MAGI2: variants seen among roughly 807,000 people sequenced by gnomAD.
The protein encoded by MAGI2 is membrane-associated guanylate kinase, WW and PDZ domain-containing protein 2.
A neutral mutation model predicts 133.3 loss-of-function variants in MAGI2; 35 were observed. The ratio of observed to expected loss-of-function variants is 0.26; its 90% confidence interval spans 0.20 to 0.35. The LOEUF (loss-of-function observed/expected upper bound fraction) is 0.35, where lower values mean the gene tolerates loss of function less well. Among genes scored for constraint, MAGI2 ranks in the 10% least tolerant of loss-of-function variants. MAGI2 has a pLI of 1.00. For missense variants in MAGI2, 1,636 were observed against 1,863.4 expected, an observed-to-expected ratio of 0.88 and a Z score of 2.25; for synonymous variants, 729 against 710.6, an observed-to-expected ratio of 1.03 and a Z score of -0.41.
At chr7:78,536,610 T>G (rs908381803) in intron 3 of MAGI2, among the ~76,000 whole-genome samples, 1 of 152,164 alleles carries the variant, frequency 6.6e-6, no homozygotes, top group African/African-American at 2.4e-5. Flanking sequence ...TATGAGCAGC[T>G]TGTGCTTGAA....
chr7:78,730,572 A>G (rs1219005500), intron 2 of MAGI2, among the ~76,000 whole-genome samples: 1 of 152,188 alleles, frequency 6.6e-6, no homozygotes, highest in East Asian at 1.9e-4. Flanking sequence ...GCAGAACTTT[A>G]GAAGTCATTG....
chr7:78,412,673 A>G (rs745828373), intron 6 of MAGI2, among the ~76,000 whole-genome samples: 13 of 152,086 alleles, frequency 8.5e-5, no homozygotes, highest in Middle Eastern at 3.2e-3. Flanking sequence ...GTAACAGAAG[A>G]TGAAATTGCA....
chr7:78,667,645 G>T (rs1300875617), intron 2 of MAGI2, among the ~76,000 whole-genome samples: 23 of 150,960 alleles, frequency 1.5e-4, no homozygotes, highest in East Asian at 7.8e-4. Context: ...GCAGTGTTTG[G>T]TTTTTTGTCC....
At chr7:78,141,779 A>G (rs563240322) in intron 16 of MAGI2, among the ~76,000 whole-genome samples, 1 of 152,268 alleles carries the variant, frequency 6.6e-6, no homozygotes, top group Non-Finnish European at 1.5e-5. Context: ...TAATAAGCAG[A>G]TGGTCAGACA....
intron 1 of MAGI2, among the ~76,000 whole-genome samples, chr7:79,423,725 A>G (rs985755932): frequency 6.6e-6 from 1 of 152,144 alleles, no homozygotes; most frequent in Non-Finnish European, 1.5e-5. Context: ...ACATATTTTT[A>G]GTCATTCAAT....
chr7:78,439,056 C>A (rs1406302670), intron 6 of MAGI2, among the ~76,000 whole-genome samples: 2 of 152,120 alleles, frequency 1.3e-5, no homozygotes, highest in African/African-American at 4.8e-5. Context: ...CCCATACTGC[C>A]CTCTGGATTA....
chr7:78,039,033 A>T (rs1563037844), intron 21 of MAGI2, among the ~76,000 whole-genome samples: 2 of 150,490 alleles, frequency 1.3e-5, no homozygotes. Context: ...CACTTAGAGG[A>T]TTTTTTTTTT....
chr7:78,527,671 A>G (rs1426881955), intron 3 of MAGI2, among the ~76,000 whole-genome samples: 3 of 152,256 alleles, frequency 2.0e-5, no homozygotes, highest in African/African-American at 4.8e-5. Flanking sequence ...AAATGCTAGT[A>G]GCAGATACTT....
intron 17 of MAGI2, 192 bp downstream of exon 17, chr7:78,134,829 A>C (rs765152503): frequency 5.3e-6 from 3 of 567,872 alleles, no homozygotes; most frequent in Non-Finnish European, 9.4e-6. Context: ...ACAGGTACTG[A>C]GTAAACAAGA....
intron 1 of MAGI2, among the ~76,000 whole-genome samples, chr7:79,217,878 T>C (rs928168158): frequency 1.3e-5 from 2 of 152,062 alleles, no homozygotes; most frequent in Admixed American, 1.3e-4. Flanking sequence ...TATTTATTAA[T>C]GTAGTTGTTT....
intron 1 of MAGI2, among the ~76,000 whole-genome samples, chr7:79,077,928 C>A (rs1232410799): frequency 6.6e-6 from 1 of 151,748 alleles, no homozygotes; most frequent in South Asian, 2.1e-4. Context: ...ATTTTTTTCC[C>A]TTAGAATACA....
At chr7:79,444,115 G>C (rs896469604) in intron 1 of MAGI2, among the ~76,000 whole-genome samples, 1 of 152,002 alleles carries the variant, frequency 6.6e-6, no homozygotes, top group Non-Finnish European at 1.5e-5. Flanking sequence ...ATTCAACAAC[G>C]CTTCATGCTA....
At chr7:79,148,229 A>G (rs1036228748) in intron 1 of MAGI2, among the ~76,000 whole-genome samples, 3 of 152,022 alleles carry the variant, frequency 2.0e-5, no homozygotes, top group African/African-American at 7.2e-5. Flanking sequence ...TGACAGAGAG[A>G]ATGTGGGATG....
At chr7:78,766,553 A>C (rs1013171986) in intron 2 of MAGI2, among the ~76,000 whole-genome samples, 1 of 152,262 alleles carries the variant, frequency 6.6e-6, no homozygotes, top group Non-Finnish European at 1.5e-5. Context: ...GCTGGCAATG[A>C]GCCTCTTACT....
At chr7:78,164,587 G>A (rs922182606) in intron 15 of MAGI2, among the ~76,000 whole-genome samples, 1 of 152,240 alleles carries the variant, frequency 6.6e-6, no homozygotes, top group Non-Finnish European at 1.5e-5. Context: ...GGCAAAAAGT[G>A]TAGTCACCAG....
At chr7:79,356,324 C>T (rs1842015398) in intron 1 of MAGI2, among the ~76,000 whole-genome samples, 1 of 147,310 alleles carries the variant, frequency 6.8e-6, no homozygotes, top group South Asian at 2.1e-4. Flanking sequence ...TTACGAATCT[C>T]TCAGCCCCCA....
chr7:78,386,926 C>A (rs1795442740), intron 6 of MAGI2, among the ~76,000 whole-genome samples: 1 of 152,148 alleles, frequency 6.6e-6, no homozygotes, highest in South Asian at 2.1e-4. Flanking sequence ...AGAACACCAC[C>A]AACTAAATTG....
intron 2 of MAGI2, among the ~76,000 whole-genome samples, chr7:78,843,523 A>G (rs950192755): frequency 2.0e-5 from 3 of 151,960 alleles, no homozygotes; most frequent in Non-Finnish European, 2.9e-5. Context: ...AACTAAATAA[A>G]GCATAAAAAA....
At chr7:78,676,980 CCTAA>C (rs1563339463) in intron 2 of MAGI2, among the ~76,000 whole-genome samples, 1 of 152,106 alleles carries the variant, frequency 6.6e-6, no homozygotes, top group East Asian at 1.9e-4. Flanking sequence ...AGGCTGTTAT[CCTAA>C]CTGTTTTAAG....
Sources: allele counts gnomAD v4.1 joint callset (sites outside exome capture counted in the v4.1 genomes callset), GRCh38; gene constraint gnomAD v4.1.1; transcripts MANE v1.5; gene names NCBI Gene and HGNC (gene_info 2026-07-23, HGNC 2026-07-21).